RRN3: variants seen among roughly 807,000 people sequenced by gnomAD.
The protein encoded by RRN3 is RNA polymerase I-specific transcription initiation factor RRN3.
In RRN3, 38 loss-of-function variants were observed where a neutral mutation model predicts 82.3. The ratio of observed to expected loss-of-function variants is 0.46; its 90% CI spans 0.36 to 0.61. The LOEUF (loss-of-function observed/expected upper bound fraction) is 0.61. RRN3 is among the 20% of genes least tolerant of loss of function. The probability of loss-of-function intolerance (pLI) is 0.00; values close to 1 mark genes in which losing one functional copy is unlikely to be tolerated. For synonymous variants in RRN3, 284 were observed against 284.3 expected (o/e 1.00, Z 0.01); for missense variants, 726 against 793.1 (o/e 0.92, Z 1.02).
Position 15,086,182 on chromosome 16 carries a change from T to G in RRN3, c.419A>C (p.Gln140Pro). The G allele has an allele frequency of 6.3e-7, 1 of 1,599,060 alleles. No homozygotes were observed. The highest frequency in any genetic ancestry group is 8.5e-7 in the Non-Finnish European group (1 of 1,170,008). Residue 140 changes from glutamine (Q) to proline (P), a missense_variant, in exon 5 of 18, where the codon CAG (glutamine) becomes CCG (proline). Physicochemically the swap from Gln to Pro is moderately conservative, Grantham distance 76. Coordinates refer to ENST00000198767, the MANE Select transcript of RRN3 (RefSeq NM_018427.5). ...GAGACACGGTCTGAGGAAAACAGTCTGTGCTGATACAAGATTACCAAGAAA... is the reference window on the plus strand; with the variant it reads ...GAGACACGGTCTGAGGAAAACAGTCGGTGCTGATACAAGATTACCAAGAAA... ...LAFLGNLVSA[Q>P]TVFLRPCLSM...
Position 15,079,138 on chromosome 16 carries a change from T to C in RRN3, c.765+860A>G, listed in dbSNP as rs2045591019. ...TCTTCATATTTCTAACTACCATTAATGGCAACACCAAGATTCAATTCCACA... is the reference window on the plus strand; with the variant it reads ...TCTTCATATTTCTAACTACCATTAACGGCAACACCAAGATTCAATTCCACA... On this transcript the variant is annotated intron_variant, in intron 9 of 17. Coordinates refer to ENST00000198767, the MANE Select transcript of RRN3 (RefSeq NM_018427.5). 2.7e-5 allele frequency among the ~76,000 whole-genome samples: 4 copies of C among 150,204 alleles called. No homozygotes were observed. The South Asian group carries it at 8.5e-4, about 32-fold the overall frequency.
chr16:15,073,537 T>C (rs1272516100), intron 11 of RRN3, among the ~76,000 whole-genome samples: 1 of 152,184 alleles, frequency 6.6e-6, no homozygotes, highest in Non-Finnish European at 1.5e-5. Flanking sequence ...CAGATTTTCC[T>C]CTGAATATAA....
At chr16:15,068,432 C>A (rs1169793964) in intron 14 of RRN3, among the ~76,000 whole-genome samples, 155 bp from the exon 15 acceptor site, 9 of 152,268 alleles carry the variant, frequency 5.9e-5, no homozygotes, top group South Asian at 4.1e-4. Flanking sequence ...GATAGTCACA[C>A]AGTATATGGC....
Position 15,061,891 on chromosome 16 carries a change from A to G in RRN3, c.1809T>C (p.Asp603=), listed in dbSNP as rs1347683268. The change falls in exon 18 of 18, where the codon GAT becomes GAC. Residue 603 remains aspartate, a synonymous_variant. Coordinates refer to ENST00000198767, the MANE Select transcript of RRN3 (RefSeq NM_018427.5). ...KKPMKKDIVE[D]EDDDFLKGEV... ...CGCCTTTCAGAAAGTCATCATCTTC[A>G]TCTTCCACTATGTCCTGCAGAAACA... is the stretch of plus-strand genomic sequence containing the variant. 1 of 1,612,366 alleles carries G rather than the reference A, an allele frequency of 6.2e-7. No homozygotes were observed. Among genetic ancestry groups the G allele is most frequent in the Non-Finnish European group, 8.5e-7 (1 of 1,178,516 alleles).
Position 15,083,445 on chromosome 16 carries a change from T to C in RRN3, c.666+68A>G, listed in dbSNP as rs534210719. On this transcript the variant is annotated intron_variant, in intron 8 of 17. Transcript: ENST00000198767. ...AGACTGGAAAAGAAAGAAAAAGACC[T>C]AATATCATCTAAAATGAAATCGTAC... 79 of 1,596,114 alleles carry C rather than the reference T, an allele frequency of 4.9e-5. No individual in the cohort carries two copies. In the East Asian group the frequency reaches 1.3e-3, roughly 26 times the overall value.
intron 8 of RRN3, among the ~76,000 whole-genome samples, chr16:15,081,645 A>G (rs1443629425): frequency 7.2e-5 from 11 of 152,338 alleles, no homozygotes; most frequent in Admixed American, 4.6e-4. Context: ...ATCTTCTTGA[A>G]GATGTCCTAT....
Position 15,091,634 on chromosome 16 carries a change from T to C in RRN3, c.196-263A>G, listed in dbSNP as rs2046133432. Among the ~76,000 whole-genome samples, 8 of 152,292 alleles carry C rather than the reference T, an allele frequency of 5.3e-5. 1 individual carries two copies. In the South Asian group the frequency reaches 1.7e-3, roughly 32 times the overall value. ...ATTTGAATATAATAGTTGATACTCC[T>C]GCGAATTCTCAAAAAGCATGAGGGA... On this transcript the variant is annotated intron_variant, in intron 2 of 17. Coordinates refer to ENST00000198767, the MANE Select transcript of RRN3 (RefSeq NM_018427.5).
chr16:15,091,208 A>G, intron 3 of RRN3, 107 bp downstream of exon 3: 1 of 1,364,484 alleles, frequency 7.3e-7, no homozygotes, highest in South Asian at 1.3e-5. Flanking sequence ...ATAAGGGAGG[A>G]CCATGGAGAG....
At chr16:15,087,969 C>T (rs907037687) in intron 3 of RRN3, among the ~76,000 whole-genome samples, 12 of 152,082 alleles carry the variant, frequency 7.9e-5, no homozygotes, top group African/African-American at 2.9e-4. Flanking sequence ...ACAAAATTAG[C>T]TGGGCGTGGT....
At chr16:15,094,062 C>T (rs1567233020) in intron 1 of RRN3, 83 bp downstream of exon 1, 2 of 1,260,372 alleles carry the variant, frequency 1.6e-6, no homozygotes, top group East Asian at 2.5e-5. Flanking sequence ...TGAGCTTTGT[C>T]CCACATCCTT....
intron 3 of RRN3, 39 bp from the exon 4 acceptor site, chr16:15,086,493 C>A: frequency 1.2e-6 from 2 of 1,608,522 alleles, no homozygotes; most frequent in Non-Finnish European, 1.7e-6. Context: ...ATCACAAATC[C>A]TCTAACATAA....
intron 3 of RRN3, among the ~76,000 whole-genome samples, chr16:15,090,873 GTTT>G (rs4012873): frequency 7.0e-5 from 9 of 128,176 alleles, no homozygotes; most frequent in Non-Finnish European, 1.0e-4. Context: ...TCAGTGGTTT[GTTT>G]TTTTTTTTTT....
intron 14 of RRN3, among the ~76,000 whole-genome samples, chr16:15,069,774 C>G (rs1434953686): frequency 6.6e-6 from 1 of 152,188 alleles, no homozygotes; most frequent in Non-Finnish European, 1.5e-5. Context: ...GCTGGCACAG[C>G]CCAGGGCTCA....
chr16:15,081,348 C>T (rs1482139897), intron 8 of RRN3, among the ~76,000 whole-genome samples: 1 of 152,202 alleles, frequency 6.6e-6, no homozygotes, highest in Non-Finnish European at 1.5e-5. Context: ...TATGACAGTT[C>T]CAACTTCCCA....
At chr16:15,076,448 T>C (rs931464616) in intron 10 of RRN3, 110 bp downstream of exon 10, 3 of 805,738 alleles carry the variant, frequency 3.7e-6, no homozygotes, top group African/African-American at 3.4e-5. Flanking sequence ...TCAAGTTTGC[T>C]GAACTATTTT....
At chr16:15,088,460 C>T (rs1401305386) in intron 3 of RRN3, among the ~76,000 whole-genome samples, 1 of 152,100 alleles carries the variant, frequency 6.6e-6, no homozygotes, top group East Asian at 1.9e-4. Context: ...AGAGCAAGAC[C>T]CTGTCTCAAG....
chr16:15,072,134 T>A (rs58923875), intron 12 of RRN3, among the ~76,000 whole-genome samples: 8,472 of 152,056 alleles, frequency 0.056, 386 homozygotes, highest in African/African-American at 0.12. Context: ...GGCACACCCA[T>A]GTGGGCAGAC....
In RRN3 at chr16:15,061,603, C is replaced by A; in HGVS notation, c.*141G>T. 2 of 661,190 alleles carry A rather than the reference C, an allele frequency of 3.0e-6. No individual in the cohort carries two copies. Among genetic ancestry groups the A allele is most frequent in the South Asian group, 2.7e-5 (1 of 37,420 alleles). 41.0% of individuals were successfully genotyped at this position (661,190 alleles called of 1,614,324 possible). A position where few individuals can be genotyped will look rare whatever the true frequency, so the allele number is the denominator to read the frequency against. On this transcript the variant is annotated 3_prime_UTR_variant, in exon 18 of 18. Transcript: ENST00000198767. ...CCAGTCTTCAGATGCTTGATTCAGT[C>A]GAACCTGGAAGTGCCACAGCCGAGG... is the stretch of plus-strand genomic sequence containing the variant.
At chr16:15,075,409 A>G (rs1299621544) in intron 10 of RRN3, among the ~76,000 whole-genome samples, 1 of 152,030 alleles carries the variant, frequency 6.6e-6, no homozygotes, top group Non-Finnish European at 1.5e-5. Context: ...CTGTCTCTAC[A>G]AAAATAGAAA....
Sources: allele counts gnomAD v4.1 joint callset (sites outside exome capture counted in the v4.1 genomes callset), GRCh38; gene constraint gnomAD v4.1.1; transcripts MANE v1.5; gene names NCBI Gene and HGNC (gene_info 2026-07-23, HGNC 2026-07-21).